ACYP2: variants seen among roughly 807,000 people sequenced by gnomAD.
ACYP2 encodes acylphosphatase-2.
In ACYP2, 12 loss-of-function variants were observed where a neutral mutation model predicts 11.2. The observed-to-expected ratio is 1.08, with a 90% confidence interval of 0.69 to 1.74. The LOEUF is 1.74. Ranked by LOEUF, ACYP2 falls within the 40% of genes most tolerant of loss-of-function variation. The pLI, the probability that ACYP2 is intolerant of heterozygous loss-of-function variation, is 0.00. For missense variants in ACYP2, 134 were observed against 101.9 expected, an observed-to-expected ratio of 1.31 and a Z score of -1.35; for synonymous variants, 43 against 32.2, an observed-to-expected ratio of 1.33 and a Z score of -1.13.
chr2:54,000,174 A>C (rs1289787711), intron 2 of ACYP2, among the ~76,000 whole-genome samples: 1 of 151,974 alleles, frequency 6.6e-6, no homozygotes, highest in East Asian at 1.9e-4. Context: ...GGGGTCCAAA[A>C]AGTAAATAAC....
chr2:54,081,080 T>C (rs753979338), intron 4 of ACYP2, among the ~76,000 whole-genome samples: 10 of 152,220 alleles, frequency 6.6e-5, no homozygotes, highest in Non-Finnish European at 1.3e-4. Context: ...CCTCAAATAC[T>C]CTTTGAGTTC....
chr2:54,098,103 T>C (rs1385467250), intron 4 of ACYP2, among the ~76,000 whole-genome samples: 2 of 151,680 alleles, frequency 1.3e-5, no homozygotes, highest in South Asian at 2.1e-4. Context: ...GCTGGTATTA[T>C]AGGCACGTGC....
intron 6 of ACYP2, chr2:54,254,818 G>T: frequency 8.1e-7 from 1 of 1,227,712 alleles, no homozygotes; most frequent in Non-Finnish European, 1.1e-6. Flanking sequence ...AGGAAAGTCA[G>T]AACAAAAAAA....
chr2:54,002,177 T>G (rs1384640259), intron 2 of ACYP2, among the ~76,000 whole-genome samples: 1 of 152,218 alleles, frequency 6.6e-6, no homozygotes, highest in African/African-American at 2.4e-5. Flanking sequence ...CTACTCTCCC[T>G]TAACACCTGG....
At chr2:54,285,033 G>A (rs544025278) in intron 6 of ACYP2, among the ~76,000 whole-genome samples, 4 of 152,176 alleles carry the variant, frequency 2.6e-5, no homozygotes, top group Admixed American at 1.3e-4. Context: ...GGAAGTTCAC[G>A]ATCAAGGCAC....
At chr2:54,122,658 G>A (rs1680229674) in intron 4 of ACYP2, among the ~76,000 whole-genome samples, 1 of 152,160 alleles carries the variant, frequency 6.6e-6, no homozygotes, top group Non-Finnish European at 1.5e-5. Flanking sequence ...TCTATCTGTT[G>A]TGCAGTATGC....
chr2:54,023,689 T>A (rs1294774920), intron 2 of ACYP2, among the ~76,000 whole-genome samples: 1 of 152,190 alleles, frequency 6.6e-6, no homozygotes, highest in Non-Finnish European at 1.5e-5. Context: ...GCCAAATTTT[T>A]AAAAATAAAC....
chr2:54,094,250 CAG>C (rs2103687073), intron 4 of ACYP2, among the ~76,000 whole-genome samples: 1 of 148,614 alleles, frequency 6.7e-6, no homozygotes, highest in South Asian at 2.1e-4. Context: ...TTTTTTGAGA[CAG>C]AGTCTTACTC....
intron 4 of ACYP2, among the ~76,000 whole-genome samples, chr2:54,059,255 G>A (rs1487436112): frequency 6.7e-6 from 1 of 148,276 alleles, no homozygotes; most frequent in Non-Finnish European, 1.5e-5. Context: ...TTTTGCTCTT[G>A]TTGCCCGGGC....
chr2:54,038,336 A>G (rs145318905), intron 2 of ACYP2, among the ~76,000 whole-genome samples: 1 of 152,278 alleles, frequency 6.6e-6, no homozygotes, highest in East Asian at 1.9e-4. Flanking sequence ...CTTCTTTGCT[A>G]ACACTGCATA....
chr2:54,299,507 G>C (rs1689640269), intron 6 of ACYP2, among the ~76,000 whole-genome samples: 1 of 151,244 alleles, frequency 6.6e-6, no homozygotes, highest in Non-Finnish European at 1.5e-5. Context: ...TGGGAGAATT[G>C]CTTGAACTTG....
At chr2:54,180,111 A>C (rs769450606) in intron 6 of ACYP2, among the ~76,000 whole-genome samples, 4 of 152,134 alleles carry the variant, frequency 2.6e-5, no homozygotes, top group Non-Finnish European at 5.9e-5. Context: ...ATTATAAAGG[A>C]TATTACCAAG....
At chr2:54,003,029 C>T (rs1481039185) in intron 2 of ACYP2, among the ~76,000 whole-genome samples, 1 of 151,896 alleles carries the variant, frequency 6.6e-6, no homozygotes, top group Non-Finnish European at 1.5e-5. Context: ...CTCAATGCAA[C>T]CTCCACCTCC....
intron 2 of ACYP2, among the ~76,000 whole-genome samples, chr2:54,023,188 GT>G (rs1257791401): frequency 1.3e-5 from 2 of 152,034 alleles, no homozygotes; most frequent in East Asian, 3.9e-4. Flanking sequence ...ATGCTTTTTT[GT>G]TGTTGATCAT....
chr2:53,976,327 C>T (rs1234634106), intron 2 of ACYP2, among the ~76,000 whole-genome samples: 3 of 152,144 alleles, frequency 2.0e-5, no homozygotes, highest in Non-Finnish European at 4.4e-5. Context: ...CCCACTTTGG[C>T]CTCCCAAGTA....
At chr2:54,053,046 T>G (rs1675948068) in intron 3 of ACYP2, among the ~76,000 whole-genome samples, 1 of 152,216 alleles carries the variant, frequency 6.6e-6, no homozygotes, top group African/African-American at 2.4e-5. Context: ...AGAGAGGCAT[T>G]GAAGAAAAAA....
intron 4 of ACYP2, among the ~76,000 whole-genome samples, chr2:54,106,905 A>G (rs1372541093): frequency 6.6e-6 from 1 of 152,130 alleles, no homozygotes; most frequent in African/African-American, 2.4e-5. Flanking sequence ...TTCTTATAAC[A>G]TCCATATCTA....
intron 2 of ACYP2, among the ~76,000 whole-genome samples, chr2:54,017,874 T>A (rs990133774): frequency 2.6e-5 from 4 of 151,598 alleles, no homozygotes; most frequent in African/African-American, 4.8e-5. Flanking sequence ...TATTTAAAAA[T>A]TTTTTTTTCA....
chr2:54,210,572 G>A (rs1685292160), intron 6 of ACYP2, among the ~76,000 whole-genome samples: 1 of 152,160 alleles, frequency 6.6e-6, no homozygotes, highest in Admixed American at 6.5e-5. Context: ...GTTGCCACAA[G>A]TCTAGTTCTA....
Sources: allele counts gnomAD v4.1 joint callset (sites outside exome capture counted in the v4.1 genomes callset), GRCh38; gene constraint gnomAD v4.1.1; transcripts MANE v1.5; gene names NCBI Gene and HGNC (gene_info 2026-07-23, HGNC 2026-07-21).